The following IL16 variants were observed in gnomAD, a reference collection of about 807,000 sequenced individuals.
The protein encoded by IL16 is pro-interleukin-16.
IL16 carries 67 observed loss-of-function variants against 110.1 expected under a neutral mutation model. The observed-to-expected ratio is 0.61, with a 90% CI of 0.50 to 0.75. The LOEUF (loss-of-function observed/expected upper bound fraction) is 0.75. IL16 is among the 30% of genes least tolerant of loss of function. The probability of loss-of-function intolerance (pLI) is 0.00; values close to 1 mark genes in which losing one functional copy is unlikely to be tolerated. For missense variants in IL16, 1,545 were observed against 1,655.0 expected, an observed-to-expected ratio of 0.93 and a Z score of 1.15; for synonymous variants, 689 against 662.9, an observed-to-expected ratio of 1.04 and a Z score of -0.61.
rs201095250 is a variant in IL16 at position 81,299,817 on chromosome 15, C to T, written c.2491C>T (p.Arg831Trp). 111 of 1,613,866 alleles carry T rather than the reference C, an allele frequency of 6.9e-5. No individual in the cohort carries two copies. Among genetic ancestry groups the T allele is most frequent in the Middle Eastern group, 1.6e-4 (1 of 6,084 alleles). The change falls in exon 14 of 19, where the codon CGG (arginine) becomes TGG (tryptophan). Residue 831 changes from arginine to tryptophan, a missense_variant. Physicochemically the swap from Arg to Trp is moderately radical, Grantham distance 101 (BLOSUM62 -3). This residue lies in a region of IL16 where 1,185 missense variants were observed against 1,238.8 expected (regional missense o/e 0.96). Transcript: ENST00000683961. ...ASREHLGSHI[R>W]ASSSSSSIRQ... Reference sequence around the variant, plus strand: ...CAGGGAGCACCTAGGATCACACATCCGGGCCTCCTCCTCCTCCTCCTCCAT... The same window carrying T: ...CAGGGAGCACCTAGGATCACACATCTGGGCCTCCTCCTCCTCCTCCTCCAT...
chr15:81,245,724 CTTTTTTTTTT>C lies in IL16; in HGVS notation c.313-14033_313-14024del, dbSNP rs1009292228. On this transcript the variant is annotated intron_variant, in intron 2 of 18. Transcript: ENST00000683961. ...TAGAGAGATCAGACTTTTGTTTTGG[CTTTTTTTTTT>C]TTTTTTTTTTTTTTGCCTGTACCTA... Among the ~76,000 whole-genome samples the C allele has an allele frequency of 4.9e-5, 3 of 61,282 alleles. 1 individual carries two copies. Among genetic ancestry groups the C allele is most frequent in the African/African-American group, 1.4e-4 (2 of 14,670 alleles). 40.2% of individuals were successfully genotyped at this position (61,282 alleles called of 152,430 possible). A position where few individuals can be genotyped will look rare whatever the true frequency, so the allele number is the denominator to read the frequency against.
chr15:81,216,306 T>C (rs779527113), intron 1 of IL16, among the ~76,000 whole-genome samples: 4 of 152,166 alleles, frequency 2.6e-5, no homozygotes, highest in Non-Finnish European at 5.9e-5. Flanking sequence ...GTAGCTAGAA[T>C]CCCAGAGGCT....
intron 1 of IL16, among the ~76,000 whole-genome samples, chr15:81,216,914 C>T (rs180950261): frequency 1.3e-5 from 2 of 152,224 alleles, no homozygotes; most frequent in African/African-American, 4.8e-5. Flanking sequence ...GGATTGACAC[C>T]TAGGTCTACT....
At chr15:81,306,226 C>T in intron 17 of IL16, 60 bp downstream of exon 17, 1 of 1,577,790 alleles carries the variant, frequency 6.3e-7, no homozygotes, top group Admixed American at 1.7e-5. Flanking sequence ...CCATTTGGGG[C>T]CAGACCTGAT....
intron 2 of IL16, among the ~76,000 whole-genome samples, chr15:81,256,867 T>C (rs896694128): frequency 6.6e-6 from 1 of 152,220 alleles, no homozygotes; most frequent in Non-Finnish European, 1.5e-5. Flanking sequence ...TTTTTTACTT[T>C]CATAGTCTTA....
At chr15:81,220,575 T>C (rs768942305) in intron 1 of IL16, among the ~76,000 whole-genome samples, 3 of 152,176 alleles carry the variant, frequency 2.0e-5, no homozygotes, top group Non-Finnish European at 2.9e-5. Flanking sequence ...ACTTTAAAAA[T>C]TGCCTTTGAT....
chr15:81,232,387 G>A (rs1465947807), intron 2 of IL16, among the ~76,000 whole-genome samples: 1 of 152,108 alleles, frequency 6.6e-6, no homozygotes, highest in Non-Finnish European at 1.5e-5. Flanking sequence ...TAGAAGTGGT[G>A]ATAACAGGCA....
chr15:81,186,006 G>T (rs1895413697), intron 1 of IL16, among the ~76,000 whole-genome samples: 1 of 152,198 alleles, frequency 6.6e-6, no homozygotes, highest in Admixed American at 6.5e-5. Context: ...TTAGCTAAGG[G>T]AATAAGATCT....
At chr15:81,297,178 C>A in intron 13 of IL16, 100 bp downstream of exon 13, 1 of 1,151,856 alleles carries the variant, frequency 8.7e-7, no homozygotes, top group Non-Finnish European at 1.2e-6. Context: ...GAGTGCTCTG[C>A]ATTGACATCA....
intron 6 of IL16, 116 bp downstream of exon 6, chr15:81,273,320 G>A (rs1396821315): frequency 1.8e-5 from 12 of 663,036 alleles, no homozygotes; most frequent in Admixed American, 5.7e-5. Flanking sequence ...GTCAGGATAC[G>A]GCCAGCATGC....
At chr15:81,219,181 A>G (rs1258099250) in intron 1 of IL16, among the ~76,000 whole-genome samples, 3 of 152,182 alleles carry the variant, frequency 2.0e-5, no homozygotes, top group Non-Finnish European at 2.9e-5. Flanking sequence ...ATTAACAATT[A>G]CTAATTAACG....
intron 18 of IL16, among the ~76,000 whole-genome samples, chr15:81,307,740 C>A (rs1900645653): frequency 6.6e-6 from 1 of 152,166 alleles, no homozygotes; most frequent in African/African-American, 2.4e-5. Flanking sequence ...AGGAGAGATG[C>A]AGATTCTGGA....
At chr15:81,207,631 GT>G (rs1460044996) in intron 1 of IL16, among the ~76,000 whole-genome samples, 2 of 149,234 alleles carry the variant, frequency 1.3e-5, no homozygotes, top group African/African-American at 4.9e-5. Flanking sequence ...TCGGTTTTTT[GT>G]TTCTACATTA....
At chr15:81,244,599 C>T (rs1897470088) in intron 2 of IL16, among the ~76,000 whole-genome samples, 1 of 151,994 alleles carries the variant, frequency 6.6e-6, no homozygotes, top group Non-Finnish European at 1.5e-5. Context: ...TTTCTTTCAG[C>T]TTGTTTTTAA....
At chr15:81,216,638 G>C (rs1455186684) in intron 1 of IL16, among the ~76,000 whole-genome samples, 1 of 145,528 alleles carries the variant, frequency 6.9e-6, no homozygotes, top group Non-Finnish European at 1.5e-5. Context: ...GGCCACATCT[G>C]TCTGTCTTAG....
chr15:81,241,252 G>A (rs1897326705), intron 2 of IL16, among the ~76,000 whole-genome samples: 2 of 151,574 alleles, frequency 1.3e-5, no homozygotes, highest in South Asian at 4.2e-4. Flanking sequence ...CCTTCCTAGT[G>A]TTTATTTAGA....
At position 81,299,602 on chromosome 15, in the gene IL16, C is replaced by T. The variant is rs762602574; in HGVS notation, c.2276C>T (p.Pro759Leu). The change falls in exon 14 of 19, where the codon CCA becomes CTA. Residue 759 changes from proline (P) to leucine (L), a missense_variant. This residue lies in a region of IL16 where 1,185 missense variants were observed against 1,238.8 expected (regional missense o/e 0.96). Transcript: ENST00000683961. ...CAGGGCCACCCAGATGGGACCCCAC[C>T]AAAGCTGGACACCGCCAATGGCACT... Reference protein sequence around the residue: ...GTQGHPDGTPPKLDTANGTPK... With the variant: ...GTQGHPDGTPLKLDTANGTPK... 1.2e-6 allele frequency: 2 copies of T among 1,614,096 alleles called. No homozygotes were observed. The highest frequency in any genetic ancestry group is 1.3e-5 in the African/African-American group (1 of 74,930).
intron 1 of IL16, chr15:81,188,461 T>C: frequency 4.4e-6 from 2 of 455,564 alleles, no homozygotes; most frequent in Non-Finnish European, 8.8e-6. Flanking sequence ...ATAAGTCTTA[T>C]AATAACCCAT....
At chr15:81,215,341 G>C (rs892001157) in intron 1 of IL16, among the ~76,000 whole-genome samples, 11 of 152,302 alleles carry the variant, frequency 7.2e-5, no homozygotes, top group Admixed American at 5.2e-4. Context: ...GGATCTTTAT[G>C]CTTGGGTGAA....
Sources: allele counts gnomAD v4.1 joint callset (sites outside exome capture counted in the v4.1 genomes callset), GRCh38; gene constraint gnomAD v4.1.1; regional missense constraint gnomAD v4.1.1; transcripts MANE v1.5; gene names NCBI Gene and HGNC (gene_info 2026-07-23, HGNC 2026-07-21).